SLC39A9: variants seen among roughly 807,000 people sequenced by gnomAD.
SLC39A9 encodes zinc transporter ZIP9.
A neutral mutation model predicts 28.4 loss-of-function variants in SLC39A9; 14 were observed. That is an observed-to-expected ratio of 0.49 (90% CI 0.33 to 0.77). The LOEUF (loss-of-function observed/expected upper bound fraction) is 0.77. Among genes scored for constraint, SLC39A9 ranks in the 30% least tolerant of loss-of-function variants. SLC39A9 has a pLI of 0.02. For missense variants in SLC39A9, 283 were observed against 381.1 expected (o/e 0.74, Z 2.14); for synonymous variants, 119 against 149.6 (o/e 0.80, Z 1.49).
Position 69,458,483 on chromosome 14 carries a change from A to AGCC in SLC39A9, c.815_817dup (p.Ser272_His273insArg). On this transcript the variant is annotated inframe_insertion, in exon 7 of 7. Coordinates refer to ENST00000336643, the MANE Select transcript of SLC39A9 (RefSeq NM_018375.5). ...CCCTGAGGTGGGCGGAATAGGGCAC[A>AGCC]GCCACAAGCCCGATGCCACGGGAGG... The AGCC allele has an allele frequency of 6.2e-7, 1 of 1,614,270 alleles. No homozygotes were observed. The highest frequency in any genetic ancestry group is 1.1e-5 in the South Asian group (1 of 91,092).
At chr14:69,413,847 T>C (rs1170987137) in intron 1 of SLC39A9, among the ~76,000 whole-genome samples, 1 of 152,118 alleles carries the variant, frequency 6.6e-6, no homozygotes, top group East Asian at 1.9e-4. Context: ...CTTGGGCAAA[T>C]CACTTCTCAT....
At chr14:69,436,057 CTTTTTA>C (rs1424621967) in intron 2 of SLC39A9, among the ~76,000 whole-genome samples, 1 of 151,986 alleles carries the variant, frequency 6.6e-6, no homozygotes, top group Non-Finnish European at 1.5e-5. Flanking sequence ...CAGTTCGTTT[CTTTTTA>C]TAAGTGTCTG....
rs76966679 is a variant in SLC39A9 at position 69,433,707 on chromosome 14, T to C, written c.206-8362T>C. On this transcript the variant is annotated intron_variant, in intron 2 of 6. Transcript: ENST00000336643. Reference sequence around the variant, plus strand: ...GTAATTGATTTATTTCCTCGTACTTTTTAAAGTTTCTTTAGGTGAAGCTCA... The same window carrying C: ...GTAATTGATTTATTTCCTCGTACTTCTTAAAGTTTCTTTAGGTGAAGCTCA... 3.2e-3 allele frequency among the ~76,000 whole-genome samples: 486 copies of C among 152,306 alleles called. 1 individual carries two copies. Among genetic ancestry groups the C allele is most frequent in the African/African-American group, 0.011 (473 of 41,572 alleles).
intron 2 of SLC39A9, among the ~76,000 whole-genome samples, chr14:69,434,010 C>T (rs1486588754): frequency 6.6e-6 from 1 of 152,008 alleles, no homozygotes; most frequent in Non-Finnish European, 1.5e-5. Flanking sequence ...GTCTCAAGCT[C>T]CTGGCCTCAA....
Position 69,398,961 on chromosome 14 carries a change from C to T in SLC39A9, c.-409C>T. 1 of 200,894 alleles carries T rather than the reference C, an allele frequency of 5.0e-6. No homozygotes were observed. Among genetic ancestry groups the T allele is most frequent in the Non-Finnish European group, 1.0e-5 (1 of 98,600 alleles). The allele number at this position is 200,894 out of a possible 1,614,324, so 12.4% of individuals were successfully genotyped here. A position where few individuals can be genotyped will look rare whatever the true frequency, so the allele number is the denominator to read the frequency against. ...CGGGGCCGCCTCTTGGAGACAGGGG[C>T]GCCTAGGGAACGAACAGGTTCGCTT... On this transcript the variant is annotated 5_prime_UTR_variant, in exon 1 of 7. Coordinates refer to ENST00000336643, the MANE Select transcript of SLC39A9 (RefSeq NM_018375.5).
At chr14:69,428,824 T>C (rs991396524) in intron 2 of SLC39A9, 1 of 152,252 alleles carries the variant, frequency 6.6e-6, no homozygotes, top group African/African-American at 2.4e-5. Context: ...GCAAGACATT[T>C]TACTTGTTGA....
chr14:69,418,854 A>G (rs1024615258), intron 1 of SLC39A9, among the ~76,000 whole-genome samples: 4 of 152,156 alleles, frequency 2.6e-5, no homozygotes, highest in Non-Finnish European at 5.9e-5. Flanking sequence ...CAGTGGTGAT[A>G]TCCCCTTTAT....
chr14:69,460,900 T>A lies in SLC39A9; in HGVS notation c.*2307T>A. On this transcript the variant is annotated 3_prime_UTR_variant, in exon 7 of 7. Transcript: ENST00000336643. ...CCATACTAATCTCATAGGGCTCAAA[T>A]GCATCTTCAGGCAGCAGGGAACCAA... 1.0e-6 allele frequency: 1 copy of A among 985,542 alleles called. No homozygotes were observed. Among genetic ancestry groups the A allele is most frequent in the Non-Finnish European group, 1.2e-6 (1 of 830,010 alleles). The allele number at this position is 985,542 out of a possible 1,614,324, so 61.0% of individuals were successfully genotyped here.
intron 3 of SLC39A9, among the ~76,000 whole-genome samples, chr14:69,451,626 T>C (rs1368033659): frequency 2.0e-5 from 3 of 152,142 alleles, no homozygotes; most frequent in African/African-American, 2.4e-5. Context: ...TCTGAGGTGG[T>C]GTATAGAGGA....
Position 69,458,969 on chromosome 14 carries a change from T to C in SLC39A9, c.*376T>C. The C allele has an allele frequency of 1.0e-6, 1 of 1,001,292 alleles. No individual in the cohort carries two copies. Among genetic ancestry groups the C allele is most frequent in the African/African-American group, 1.7e-5 (1 of 57,960 alleles). 62.0% of individuals were successfully genotyped at this position (1,001,292 alleles called of 1,614,324 possible). Reference sequence around the variant, plus strand: ...TACAGTGTTCTGTAATTAAGCTATGTCTCTTTCTTCTTAGTTTAGAGGCTC... The same window carrying C: ...TACAGTGTTCTGTAATTAAGCTATGCCTCTTTCTTCTTAGTTTAGAGGCTC... On this transcript the variant is annotated 3_prime_UTR_variant, in exon 7 of 7. Transcript: ENST00000336643.
At chr14:69,415,324 T>G (rs1883510321) in intron 1 of SLC39A9, among the ~76,000 whole-genome samples, 1 of 152,228 alleles carries the variant, frequency 6.6e-6, no homozygotes, top group Non-Finnish European at 1.5e-5. Flanking sequence ...GCCATTTTAA[T>G]GGGTATGAAA....
chr14:69,447,346 C>T (rs1054820025), intron 3 of SLC39A9, among the ~76,000 whole-genome samples: 2 of 152,172 alleles, frequency 1.3e-5, no homozygotes, highest in African/African-American at 4.8e-5. Context: ...AGGGAGTCAA[C>T]ACTTAGAACA....
At chr14:69,445,834 A>G (rs1885267992) in intron 3 of SLC39A9, among the ~76,000 whole-genome samples, 1 of 152,236 alleles carries the variant, frequency 6.6e-6, no homozygotes. Flanking sequence ...ATATTCAAAA[A>G]ATAGAATGAA....
chr14:69,445,648 AC>A (rs1885259725), intron 3 of SLC39A9, among the ~76,000 whole-genome samples: 1 of 152,182 alleles, frequency 6.6e-6, no homozygotes, highest in Non-Finnish European at 1.5e-5. Flanking sequence ...GTATCTACTT[AC>A]CTTTACAAAA....
At chr14:69,420,518 G>A (rs1258750911) in intron 1 of SLC39A9, among the ~76,000 whole-genome samples, 1 of 152,110 alleles carries the variant, frequency 6.6e-6, no homozygotes, top group East Asian at 1.9e-4. Context: ...GGTATTCTCT[G>A]TATTTCCTGA....
intron 2 of SLC39A9, among the ~76,000 whole-genome samples, chr14:69,440,365 C>T (rs1298820449): frequency 6.6e-6 from 1 of 152,138 alleles, no homozygotes; most frequent in Non-Finnish European, 1.5e-5. Flanking sequence ...GGGCGGATCA[C>T]TTGAGCTCAG....
Position 69,422,514 on chromosome 14 carries a change from G to A in SLC39A9, c.97-1580G>A, listed in dbSNP as rs368539154. Among the ~76,000 whole-genome samples the A allele has an allele frequency of 1.2e-4, 19 of 152,244 alleles. No homozygotes were observed. In the South Asian group the frequency reaches 3.9e-3, roughly 32 times the overall value. On this transcript the variant is annotated intron_variant, in intron 1 of 6. Transcript: ENST00000336643. ...TAGCCTTGAACTCCTGGGTTTAAAC[G>A]ATCCTCTGCTTCCACCACCCAAGCA...
intron 3 of SLC39A9, among the ~76,000 whole-genome samples, chr14:69,444,387 A>G (rs965107281): frequency 1.3e-5 from 2 of 152,222 alleles, no homozygotes; most frequent in African/African-American, 4.8e-5. Flanking sequence ...AATCGCAATA[A>G]GATATTAAAA....
At chr14:69,423,034 C>G (rs1248287269) in intron 1 of SLC39A9, among the ~76,000 whole-genome samples, 1 of 152,088 alleles carries the variant, frequency 6.6e-6, no homozygotes, top group Non-Finnish European at 1.5e-5. Flanking sequence ...TGTCTAAATA[C>G]ATTTTTTTCA....
Sources: gnomAD v4.1 joint callset for allele counts (sites outside exome capture counted in the v4.1 genomes callset) on GRCh38, gnomAD v4.1.1 for gene constraint, MANE v1.5 for transcripts, NCBI Gene and HGNC (gene_info 2026-07-23, HGNC 2026-07-21) for gene names.